Variants in ARK2C observed in about 807,000 individuals in gnomAD.
ARK2C encodes arkadia (RNF111) C-terminal like ring finger ubiquitin ligase 2C.
chr18:46,335,978 G>C, the ARK2C span: 1 of 985,178 alleles, frequency 1.0e-6, no homozygotes, highest in Non-Finnish European at 1.2e-6. Context: ...ACCATTTCCT[G>C]TCTCCATCTG....
At chr18:46,402,770 G>A in the ARK2C span, among the ~76,000 whole-genome samples, 1 of 152,142 alleles carries the variant, frequency 6.6e-6, no homozygotes, top group Non-Finnish European at 1.5e-5. Flanking sequence ...CAAAGTACTG[G>A]GATTGCAGGC....
the ARK2C span, among the ~76,000 whole-genome samples, chr18:46,446,185 TCTTTG>T: frequency 6.6e-6 from 1 of 152,214 alleles, no homozygotes; most frequent in Non-Finnish European, 1.5e-5. Flanking sequence ...CAATCAATGA[TCTTTG>T]CTTAGATCCT....
the ARK2C span, among the ~76,000 whole-genome samples, chr18:46,358,560 C>A: frequency 6.6e-6 from 1 of 152,168 alleles, no homozygotes; most frequent in Non-Finnish European, 1.5e-5. Context: ...CCCTCTGTGA[C>A]CTTCCTCAAC....
At chr18:46,450,710 C>G in the ARK2C span, 1 of 1,613,492 alleles carries the variant, frequency 6.2e-7, no homozygotes, top group Non-Finnish European at 8.5e-7. Context: ...CCAGGAGCTG[C>G]TGCAGCTCGA....
At chr18:46,442,170 A>AC in the ARK2C span, among the ~76,000 whole-genome samples, 1 of 151,660 alleles carries the variant, frequency 6.6e-6, no homozygotes, top group Admixed American at 6.6e-5. Flanking sequence ...CTCAAAAAAA[A>AC]AAAAAAGAAA....
chr18:46,351,308 G>T, the ARK2C span, among the ~76,000 whole-genome samples: 8 of 152,208 alleles, frequency 5.3e-5, no homozygotes, highest in Non-Finnish European at 1.2e-4. Context: ...TTTGAGGGCT[G>T]GGGGCAGGGA....
the ARK2C span, among the ~76,000 whole-genome samples, chr18:46,442,384 T>C: frequency 6.6e-6 from 1 of 152,302 alleles, no homozygotes; most frequent in East Asian, 1.9e-4. Flanking sequence ...ACAAACTTTC[T>C]AGTTAGCATT....
the ARK2C span, among the ~76,000 whole-genome samples, chr18:46,401,985 T>C: frequency 1.0e-3 from 153 of 152,348 alleles, 2 homozygotes; most frequent in South Asian, 0.02. Context: ...AGAAAACCTC[T>C]CCTCACTGCT....
the ARK2C span, among the ~76,000 whole-genome samples, chr18:46,449,920 T>C: frequency 6.6e-6 from 1 of 152,244 alleles, no homozygotes; most frequent in East Asian, 1.9e-4. Context: ...ATCCTGGTTC[T>C]GTCCCTTGGT....
the ARK2C span, among the ~76,000 whole-genome samples, chr18:46,412,062 C>T: frequency 2.0e-5 from 3 of 152,326 alleles, no homozygotes; most frequent in South Asian, 2.1e-4. Context: ...TTTTTAAATG[C>T]CCTCTCTTCC....
chr18:46,369,556 A>T, the ARK2C span, among the ~76,000 whole-genome samples: 1 of 152,132 alleles, frequency 6.6e-6, no homozygotes, highest in African/African-American at 2.4e-5. Flanking sequence ...GTGTTGCTTT[A>T]GGTTTGCAGG....
chr18:46,442,984 C>T, the ARK2C span, among the ~76,000 whole-genome samples: 6 of 152,162 alleles, frequency 3.9e-5, no homozygotes, highest in Non-Finnish European at 8.8e-5. Flanking sequence ...TTAGCACTTA[C>T]GGGGTATATC....
the ARK2C span, among the ~76,000 whole-genome samples, chr18:46,452,470 G>T: frequency 6.6e-6 from 1 of 151,890 alleles, no homozygotes; most frequent in Non-Finnish European, 1.5e-5. Context: ...AGTAGAGATG[G>T]GGTTTCACCA....
At chr18:46,444,781 A>G in the ARK2C span, among the ~76,000 whole-genome samples, 2 of 151,578 alleles carry the variant, frequency 1.3e-5, no homozygotes, top group East Asian at 3.9e-4. Flanking sequence ...CTCATTTTGG[A>G]TTATTTTTAT....
the ARK2C span, among the ~76,000 whole-genome samples, chr18:46,451,047 G>A: frequency 1.3e-5 from 2 of 152,236 alleles, no homozygotes; most frequent in Non-Finnish European, 2.9e-5. Flanking sequence ...GTGTGTGCAT[G>A]TGGACTTGCC....
chr18:46,337,479 C>T, the ARK2C span: 1,507 of 985,348 alleles, frequency 1.5e-3, 20 homozygotes, highest in African/African-American at 0.025. Flanking sequence ...GTACTGTGGT[C>T]GTGTAGCCCG....
At chr18:46,368,918 TG>T in the ARK2C span, among the ~76,000 whole-genome samples, 7 of 152,252 alleles carry the variant, frequency 4.6e-5, no homozygotes, top group South Asian at 1.4e-3. Flanking sequence ...GAACAGTGCA[TG>T]GCACACAGTA....
chr18:46,449,510 A>G, the ARK2C span, among the ~76,000 whole-genome samples: 1 of 152,152 alleles, frequency 6.6e-6, no homozygotes, highest in African/African-American at 2.4e-5. Flanking sequence ...AGTAGGAGTG[A>G]TATGGTTTGG....
the ARK2C span, among the ~76,000 whole-genome samples, chr18:46,383,693 T>C: frequency 6.6e-6 from 1 of 151,968 alleles, no homozygotes; most frequent in African/African-American, 2.4e-5. Context: ...TAGCTGGGAC[T>C]ACAGGCAGCC....
Sources: allele counts gnomAD v4.1 joint callset (sites outside exome capture counted in the v4.1 genomes callset), GRCh38; gene constraint gnomAD v4.1.1; transcripts MANE v1.5; gene names NCBI Gene and HGNC (gene_info 2026-07-23, HGNC 2026-07-21).